The following TMEM117 variants were observed in gnomAD, a reference collection of about 807,000 sequenced individuals.
TMEM117 encodes the protein transmembrane protein 117.
In TMEM117, 27 loss-of-function variants were observed where a neutral mutation model predicts 52.4. The observed-to-expected ratio is 0.51, with a 90% CI of 0.38 to 0.71. TMEM117 has a LOEUF of 0.71. Ranked by LOEUF, TMEM117 falls within the 30% of genes least tolerant of loss-of-function variation. The pLI is 0.00. For synonymous variants in TMEM117, 215 were observed against 206.3 expected (o/e 1.04, Z -0.36); for missense variants, 556 against 630.5 (o/e 0.88, Z 1.26).
At chr12:44,086,471 G>A (rs917778126) in intron 3 of TMEM117, among the ~76,000 whole-genome samples, 11 of 151,822 alleles carry the variant, frequency 7.2e-5, no homozygotes, top group Non-Finnish European at 1.3e-4. Context: ...CCTCTCAGCC[G>A]CCCAAAGTGC....
intron 4 of TMEM117, among the ~76,000 whole-genome samples, chr12:44,147,059 G>A (rs1948653235): frequency 1.3e-5 from 2 of 152,170 alleles, no homozygotes; most frequent in Admixed American, 1.3e-4. Context: ...TACTCCCCAT[G>A]CAGAGGACAA....
At chr12:43,796,851 A>T in the TMEM117 span, 1 of 1,049,578 alleles carries the variant, frequency 9.5e-7, no homozygotes, top group Non-Finnish European at 1.4e-6. Context: ...AGGAGATCCT[A>T]AGGATTTAGG....
intron 2 of TMEM117, among the ~76,000 whole-genome samples, chr12:43,896,664 G>A (rs1031719457): frequency 4.0e-5 from 6 of 151,732 alleles, no homozygotes; most frequent in African/African-American, 1.2e-4. Context: ...ACATGCTTTT[G>A]ACATTTTTTC....
At chr12:44,177,883 T>C (rs77907998) in intron 4 of TMEM117, among the ~76,000 whole-genome samples, 1 of 152,176 alleles carries the variant, frequency 6.6e-6, no homozygotes, top group Non-Finnish European at 1.5e-5. Context: ...TCTCAGTATT[T>C]GAAAGTTTCT....
intron 4 of TMEM117, among the ~76,000 whole-genome samples, chr12:44,145,675 C>G (rs887780097): frequency 1.3e-5 from 2 of 152,116 alleles, no homozygotes; most frequent in African/African-American, 4.8e-5. Context: ...CTTCCTGAGC[C>G]CCATAAGTGT....
intron 2 of TMEM117, among the ~76,000 whole-genome samples, chr12:43,916,198 T>C (rs1944600969): frequency 6.6e-6 from 1 of 152,204 alleles, no homozygotes; most frequent in African/African-American, 2.4e-5. Flanking sequence ...TTCCACCTCT[T>C]TGTTCTTCAT....
intron 6 of TMEM117, among the ~76,000 whole-genome samples, chr12:44,342,131 C>A (rs149177655): frequency 8.5e-5 from 13 of 152,252 alleles, no homozygotes; most frequent in African/African-American, 2.2e-4. Context: ...TATCTAGCTT[C>A]TCAGGAACAA....
chr12:44,238,658 C>A (rs1485196203), intron 5 of TMEM117, among the ~76,000 whole-genome samples: 1 of 152,040 alleles, frequency 6.6e-6, no homozygotes, highest in Non-Finnish European at 1.5e-5. Flanking sequence ...ACAACAACAA[C>A]AACAACAACA....
chr12:44,211,633 G>A (rs1238814609), intron 5 of TMEM117, among the ~76,000 whole-genome samples: 5 of 152,064 alleles, frequency 3.3e-5, no homozygotes, highest in Non-Finnish European at 7.4e-5. Flanking sequence ...TTGACCAGAG[G>A]TAAGTTCTTG....
intron 2 of TMEM117, among the ~76,000 whole-genome samples, chr12:43,912,600 G>C (rs1340617931): frequency 2.0e-5 from 3 of 147,006 alleles, no homozygotes; most frequent in African/African-American, 2.7e-5. Context: ...TATATCCTTG[G>C]CACTTTTAAG....
intron 3 of TMEM117, among the ~76,000 whole-genome samples, chr12:44,105,712 T>A (rs1412261342): frequency 6.6e-6 from 1 of 151,994 alleles, no homozygotes; most frequent in Non-Finnish European, 1.5e-5. Flanking sequence ...TGGGACAGGA[T>A]GGGTGGAGGG....
rs189085463 is a variant in TMEM117, at chr12:44,322,775, G to A, written c.768+23036G>A. 2.5e-4 allele frequency among the ~76,000 whole-genome samples: 38 copies of A among 152,182 alleles called. No homozygotes were observed. In the East Asian group the frequency reaches 6.6e-3, roughly 26 times the overall value. On this transcript the variant is annotated intron_variant, in intron 6 of 7. Transcript: ENST00000266534. The stretch of plus-strand genomic sequence containing the variant: ...CTGTACACTCACACCAATAGTGACT[G>A]GAAATACCTGGTATAGTAGGCAGAA...
chr12:44,270,639 T>A (rs1434954338), intron 5 of TMEM117, among the ~76,000 whole-genome samples: 1 of 152,148 alleles, frequency 6.6e-6, no homozygotes, highest in Non-Finnish European at 1.5e-5. Context: ...TGGCTGGGAC[T>A]TCCAGTACTA....
intron 2 of TMEM117, among the ~76,000 whole-genome samples, chr12:43,884,500 C>G (rs1022149513): frequency 1.3e-5 from 2 of 152,128 alleles, no homozygotes; most frequent in African/African-American, 2.4e-5. Flanking sequence ...TTCATGGCCT[C>G]CAGTAAAGGC....
At chr12:44,368,154 T>A (rs1223436182) in intron 6 of TMEM117, among the ~76,000 whole-genome samples, 1 of 152,138 alleles carries the variant, frequency 6.6e-6, no homozygotes, top group Non-Finnish European at 1.5e-5. Context: ...CAATCAGTAC[T>A]CCACACAAAG....
intron 3 of TMEM117, among the ~76,000 whole-genome samples, chr12:44,004,917 T>C (rs567836516): frequency 1.3e-5 from 2 of 152,330 alleles, no homozygotes; most frequent in South Asian, 4.1e-4. Flanking sequence ...TTCTGACCAT[T>C]ATTAGTGGGC....
At chr12:44,337,792 T>G (rs1305073893) in intron 6 of TMEM117, among the ~76,000 whole-genome samples, 1 of 152,044 alleles carries the variant, frequency 6.6e-6, no homozygotes, top group Non-Finnish European at 1.5e-5. Flanking sequence ...GTTCAAAGTA[T>G]CTTGGCATTA....
At chr12:43,965,936 T>G (rs1002872568) in intron 3 of TMEM117, among the ~76,000 whole-genome samples, 1 of 152,308 alleles carries the variant, frequency 6.6e-6, no homozygotes, top group East Asian at 1.9e-4. Flanking sequence ...TAATGTCTAC[T>G]GTTGCCATCT....
chr12:44,152,485 ATT>A (rs1174941156), intron 4 of TMEM117, among the ~76,000 whole-genome samples: 3 of 116,046 alleles, frequency 2.6e-5, no homozygotes, highest in African/African-American at 7.0e-5. Flanking sequence ...TCATATATAA[ATT>A]TTTATATATA....
Sources: allele counts gnomAD v4.1 joint callset (sites outside exome capture counted in the v4.1 genomes callset), GRCh38; gene constraint gnomAD v4.1.1; transcripts MANE v1.5; gene names NCBI Gene and HGNC (gene_info 2026-07-23, HGNC 2026-07-21).